The following COQ3 variants were observed in gnomAD, a reference collection of about 807,000 sequenced individuals.
The protein encoded by COQ3 is ubiquinone biosynthesis O-methyltransferase, mitochondrial.
A neutral mutation model predicts 33.1 loss-of-function variants in COQ3; 29 were observed. The observed-to-expected ratio is 0.88, with a 90% CI of 0.65 to 1.19. COQ3 has a LOEUF of 1.19. COQ3 is among the 50% of genes most tolerant of loss of function. The pLI is 0.00. For missense variants in COQ3, 437 were observed against 430.7 expected, an observed-to-expected ratio of 1.01 and a Z score of -0.13; for synonymous variants, 173 against 157.8, an observed-to-expected ratio of 1.10 and a Z score of -0.72.
intron 1 of COQ3, 46 bp from the exon 2 acceptor site, chr6:99,383,870 GA>G (rs750045778): frequency 7.1e-7 from 1 of 1,411,974 alleles, no homozygotes; most frequent in East Asian, 2.5e-5. Context: ...TGCACAGTAA[GA>G]ATCCCTGATA....
chr6:99,387,315 G>C (rs1323727833), intron 1 of COQ3, among the ~76,000 whole-genome samples: 1 of 152,096 alleles, frequency 6.6e-6, no homozygotes, highest in Non-Finnish European at 1.5e-5. Context: ...GCCAGGTATA[G>C]TGGTGTGCAC....
At chr6:99,373,727 C>A (rs1438785276) in intron 5 of COQ3, among the ~76,000 whole-genome samples, 1 of 152,152 alleles carries the variant, frequency 6.6e-6, no homozygotes, top group African/African-American at 2.4e-5. Context: ...CACAGTAGCT[C>A]ACGCCTGTAA....
At chr6:99,378,758 G>A (rs995115682) in intron 3 of COQ3, among the ~76,000 whole-genome samples, 1 of 152,062 alleles carries the variant, frequency 6.6e-6, no homozygotes. Flanking sequence ...GCTTTGCTTT[G>A]TCAGTGGTAT....
At chr6:99,392,335 C>T (rs577914043) in intron 1 of COQ3, among the ~76,000 whole-genome samples, 1 of 152,168 alleles carries the variant, frequency 6.6e-6, no homozygotes, top group Admixed American at 6.5e-5. Context: ...CCTAGACTTG[C>T]CTGACTCCAT....
In COQ3 at chr6:99,375,988, A is replaced by G. The variant is rs1190227208; in HGVS notation, c.681T>C (p.His227=). 1 of 1,613,956 alleles carries G rather than the reference A, an allele frequency of 6.2e-7. No homozygotes were observed. The highest frequency in any genetic ancestry group is 8.5e-7 in the Non-Finnish European group (1 of 1,179,830). The change falls in exon 5 of 7, where the codon CAT becomes CAC. Residue 227 remains histidine (H), a synonymous_variant. Transcript: ENST00000254759. ...GTAAAAATGTTTCTAGATCAATCACATGTTCTACAACTTCAGAAGCTACAA... is the reference window on the plus strand; with the variant it reads ...GTAAAAATGTTTCTAGATCAATCACGTGTTCTACAACTTCAGAAGCTACAA... The part of the protein sequence containing the change: ...DAVVASEVVE[H]VIDLETFLQC...
intron 3 of COQ3, 84 bp downstream of exon 3, chr6:99,380,105 G>A (rs1441697145): frequency 7.7e-7 from 1 of 1,302,964 alleles, no homozygotes; most frequent in Non-Finnish European, 1.1e-6. Flanking sequence ...TTTTAACTAG[G>A]TATAAACTAA....
chr6:99,392,109 C>T (rs1169753341), intron 1 of COQ3, among the ~76,000 whole-genome samples: 2 of 152,144 alleles, frequency 1.3e-5, no homozygotes, highest in Non-Finnish European at 2.9e-5. Flanking sequence ...CTACCAATTC[C>T]TTCTCTACCT....
chr6:99,379,438 T>C (rs9402716), intron 3 of COQ3, among the ~76,000 whole-genome samples: 99,940 of 152,044 alleles, frequency 0.66, 33,327 homozygotes, highest in South Asian at 0.9. Context: ...GTTTCATTCA[T>C]CTTAGAGTCT....
intron 1 of COQ3, among the ~76,000 whole-genome samples, chr6:99,387,372 G>T (rs1774681396): frequency 6.6e-6 from 1 of 152,100 alleles, no homozygotes; most frequent in African/African-American, 2.4e-5. Flanking sequence ...GACTGTTTGA[G>T]CCTGAGAGGT....
At chr6:99,371,403 T>C in intron 6 of COQ3, 25 bp downstream of exon 6, 1 of 1,543,234 alleles carries the variant, frequency 6.5e-7, no homozygotes, top group South Asian at 1.2e-5. Flanking sequence ...CCTGGAAAAT[T>C]GGAAAAAATT....
intron 1 of COQ3, among the ~76,000 whole-genome samples, chr6:99,389,135 G>T (rs867951809): frequency 6.6e-6 from 1 of 151,834 alleles, no homozygotes; most frequent in African/African-American, 2.4e-5. Context: ...TTTTGTTTTT[G>T]GGGGGAATAG....
At chr6:99,378,131 TATATATATATATATATATATATATA>T (rs761420955) in intron 3 of COQ3, among the ~76,000 whole-genome samples, 14,292 of 51,704 alleles carry the variant, frequency 0.28, 1,454 homozygotes, top group Non-Finnish European at 0.46. Flanking sequence ...TATATATATA[TATATATATATATATATATATATATA>T]TTTAGAGAGA....
In COQ3 at chr6:99,371,450, T is replaced by C; in HGVS notation, c.867A>G (p.Thr289=). ...HTWEKFVSPE[T]LESILESNGL... Reference sequence around the variant, plus strand: ...TACTTGATTCCAGAATGCTCTCTAGTGTTTCAGGTGAAACAAACTTCTCCC... The same window carrying C: ...TACTTGATTCCAGAATGCTCTCTAGCGTTTCAGGTGAAACAAACTTCTCCC... The change falls in exon 6 of 7, where the codon ACA becomes ACG. Residue 289 remains threonine, a synonymous_variant. Coordinates refer to ENST00000254759, the MANE Select transcript of COQ3 (RefSeq NM_017421.4). 6.3e-7 allele frequency: 1 copy of C among 1,596,198 alleles called. No homozygotes were observed. The highest frequency in any genetic ancestry group is 8.5e-7 in the Non-Finnish European group (1 of 1,175,148).
chr6:99,392,076 T>G (rs547691504), intron 1 of COQ3, among the ~76,000 whole-genome samples: 11 of 152,244 alleles, frequency 7.2e-5, no homozygotes, highest in African/African-American at 2.6e-4. Context: ...AGAGAGTAAT[T>G]GAGTTTGTAT....
chr6:99,379,652 T>C (rs1406540794), intron 3 of COQ3, among the ~76,000 whole-genome samples: 2 of 152,004 alleles, frequency 1.3e-5, no homozygotes, highest in Non-Finnish European at 2.9e-5. Context: ...GTCAGGAGCT[T>C]GAGATCAGCC....
intron 1 of COQ3, among the ~76,000 whole-genome samples, chr6:99,388,891 G>GCA (rs59478225): frequency 0.046 from 4,868 of 106,194 alleles, 96 homozygotes; most frequent in Non-Finnish European, 0.067. Context: ...ATGTATACAC[G>GCA]CACACACACA....
intron 3 of COQ3, among the ~76,000 whole-genome samples, chr6:99,378,046 A>G (rs1774344541): frequency 6.9e-6 from 1 of 145,166 alleles, no homozygotes. Context: ...CTATACAAAC[A>G]TATGTATACA....
intron 1 of COQ3, among the ~76,000 whole-genome samples, chr6:99,384,862 G>A (rs929224109): frequency 5.9e-5 from 9 of 152,148 alleles, no homozygotes; most frequent in Middle Eastern, 3.2e-3. Context: ...TGTAATCCCA[G>A]CACTTTCGGA....
At chr6:99,373,169 T>C (rs1041754348) in intron 5 of COQ3, among the ~76,000 whole-genome samples, 1 of 152,150 alleles carries the variant, frequency 6.6e-6, no homozygotes, top group African/African-American at 2.4e-5. Flanking sequence ...GCATGGTGGC[T>C]CATGCCTATA....
Sources: allele counts gnomAD v4.1 joint callset (sites outside exome capture counted in the v4.1 genomes callset), GRCh38; gene constraint gnomAD v4.1.1; transcripts MANE v1.5; gene names NCBI Gene and HGNC (gene_info 2026-07-23, HGNC 2026-07-21).